Variants in CERS5 observed in about 807,000 individuals in gnomAD.
The protein encoded by CERS5 is LAG1 homolog, ceramide synthase 5.
A neutral mutation model predicts 58.9 loss-of-function variants in CERS5; 37 were observed. The ratio of observed to expected loss-of-function variants is 0.63; its 90% CI spans 0.48 to 0.83. CERS5 has a LOEUF of 0.83. Ranked by LOEUF, CERS5 falls within the 40% of genes least tolerant of loss-of-function variation. CERS5 has a pLI of 0.00. For missense variants in CERS5, 398 were observed against 489.3 expected (o/e 0.81, Z 1.76); for synonymous variants, 147 against 177.8 (o/e 0.83, Z 1.38).
At chr12:50,143,864 C>G in intron 2 of CERS5, 88 bp downstream of exon 2, 2 of 805,096 alleles carry the variant, frequency 2.5e-6, no homozygotes, top group South Asian at 2.8e-5. Flanking sequence ...CCTATCCTTA[C>G]CCTTAGAGGT....
At position 50,143,181 on chromosome 12, in the gene CERS5, C is replaced by T; in HGVS notation, c.327G>A (p.Glu109=). 6.2e-7 allele frequency: 1 copy of T among 1,614,096 alleles called. No individual in the cohort carries two copies. The highest frequency in any genetic ancestry group is 1.1e-5 in the South Asian group (1 of 91,070). Reference sequence around the variant, plus strand: ...TCCAATCCAGCTGCTTTGACAGGCCCTCCAGCCTTTTCTTATCAGGATACT... The same window carrying T: ...TCCAATCCAGCTGCTTTGACAGGCCTTCCAGCCTTTTCTTATCAGGATACT... ...ITKYPDKKRL[E]GLSKQLDWNV... is the part of the protein sequence containing the mutation. Residue 109 remains glutamate (E), a synonymous_variant, in exon 3 of 10, where the codon GAG becomes GAA. Transcript: ENST00000317551.
At chr12:50,164,422 C>G (rs1194892431) in intron 1 of CERS5, among the ~76,000 whole-genome samples, 2 of 152,068 alleles carry the variant, frequency 1.3e-5, no homozygotes, top group Non-Finnish European at 2.9e-5. Context: ...GGCTGAGACC[C>G]TGTCTCAAAA....
At chr12:50,144,554 G>A in intron 1 of CERS5, 1 of 382,478 alleles carries the variant, frequency 2.6e-6, no homozygotes, top group Admixed American at 4.1e-5. Context: ...GGAGGGAAAA[G>A]TAGAACTGAG....
rs1406962723 is a variant in CERS5, at chr12:50,129,611, T to G, written c.*934A>C. On this transcript the variant is annotated 3_prime_UTR_variant, in exon 10 of 10. Coordinates refer to ENST00000317551, the MANE Select transcript of CERS5 (RefSeq NM_147190.5). ...ACCTCTGCCTCCCAGGTTCAAGTGA[T>G]TCTTCTTTTTCTTAAAAAACATAAA... 1 of 151,546 alleles carries G rather than the reference T, an allele frequency of 6.6e-6. No individual in the cohort carries two copies. Among genetic ancestry groups the G allele is most frequent in the Non-Finnish European group, 1.5e-5 (1 of 67,998 alleles). 9.4% of individuals were successfully genotyped at this position (151,546 alleles called of 1,614,324 possible).
intron 1 of CERS5, among the ~76,000 whole-genome samples, chr12:50,148,946 A>ATATGTGTG (rs1420401358): frequency 9.7e-6 from 1 of 103,142 alleles, no homozygotes; most frequent in African/African-American, 4.0e-5. Context: ...ATATATATAT[A>ATATGTGTG]TGTGTGTGTG....
intron 1 of CERS5, among the ~76,000 whole-genome samples, chr12:50,152,051 G>T (rs1008038535): frequency 6.6e-6 from 1 of 151,858 alleles, no homozygotes; most frequent in Non-Finnish European, 1.5e-5. Flanking sequence ...GTTTCCTCAG[G>T]GTTCACTTAG....
At chr12:50,149,531 C>T (rs1937709988) in intron 1 of CERS5, among the ~76,000 whole-genome samples, 1 of 152,088 alleles carries the variant, frequency 6.6e-6, no homozygotes, top group Non-Finnish European at 1.5e-5. Context: ...ATTCATTACA[C>T]CACTGATGAA....
intron 9 of CERS5, chr12:50,133,086 G>C (rs1317645974): frequency 1.6e-6 from 2 of 1,287,720 alleles, no homozygotes; most frequent in Non-Finnish European, 1.0e-6. Context: ...AGAAAAGCAG[G>C]AGAGAACAGA....
At chr12:50,155,452 A>C (rs1938460118) in intron 1 of CERS5, among the ~76,000 whole-genome samples, 1 of 151,788 alleles carries the variant, frequency 6.6e-6, no homozygotes. Flanking sequence ...TAAAAAAAAA[A>C]ATTGCCAGGC....
intron 1 of CERS5, among the ~76,000 whole-genome samples, chr12:50,164,395 C>T (rs1939643277): frequency 6.6e-6 from 1 of 151,970 alleles, no homozygotes; most frequent in Non-Finnish European, 1.5e-5. Flanking sequence ...CGTGCCACTG[C>T]AGTCCAGCCT....
At chr12:50,145,483 TTTC>T (rs1181859382) in intron 1 of CERS5, among the ~76,000 whole-genome samples, 1 of 152,134 alleles carries the variant, frequency 6.6e-6, no homozygotes, top group Non-Finnish European at 1.5e-5. Flanking sequence ...GTTAACCTAT[TTTC>T]TTGAGCTGCA....
chr12:50,142,089 T>A lies in CERS5; in HGVS notation c.456A>T (p.Leu152Phe), dbSNP rs1217015665. 1.9e-6 allele frequency: 3 copies of A among 1,604,880 alleles called. No homozygotes were observed. Among genetic ancestry groups the A allele is most frequent in the Middle Eastern group, 1.6e-4 (1 of 6,064 alleles). The change falls in exon 4 of 10, where the codon TTA becomes TTT. Residue 152 changes from leucine (L) to phenylalanine (F), a missense_variant. Coordinates refer to ENST00000317551, the MANE Select transcript of CERS5 (RefSeq NM_147190.5). ...CESMWRFTFYLCIFCYGIRFL... is the reference protein window; with the variant it reads ...CESMWRFTFYFCIFCYGIRFL... ...ATCTAATTCCATAGCAGAATATACATAAATAAAATGTGAATCTCCACCTGG... is the reference window on the plus strand; with the variant it reads ...ATCTAATTCCATAGCAGAATATACAAAAATAAAATGTGAATCTCCACCTGG...
At chr12:50,150,337 G>A (rs950071318) in intron 1 of CERS5, among the ~76,000 whole-genome samples, 4 of 152,024 alleles carry the variant, frequency 2.6e-5, no homozygotes, top group Non-Finnish European at 2.9e-5. Flanking sequence ...CTCCAGCCTG[G>A]GTGACAGAGT....
At chr12:50,134,071 G>GA (rs57888855) in intron 9 of CERS5, 3,928 of 79,626 alleles carry the variant, frequency 0.049, 185 homozygotes, top group Middle Eastern at 0.071. Flanking sequence ...GATTCCATCT[G>GA]AAAAAAAAAA....
chr12:50,139,041 T>C (rs1951833563), intron 4 of CERS5, among the ~76,000 whole-genome samples: 1 of 152,240 alleles, frequency 6.6e-6, no homozygotes, highest in South Asian at 2.1e-4. Context: ...ATTAAATTGT[T>C]CATAATACTG....
intron 6 of CERS5, 62 bp from the exon 7 acceptor site, chr12:50,136,131 C>A (rs1951685702): frequency 6.4e-6 from 9 of 1,401,008 alleles, no homozygotes; most frequent in Non-Finnish European, 8.5e-6. Flanking sequence ...ACCAGCCAAC[C>A]CAACGTCCTG....
Position 50,130,580 on chromosome 12 carries a change from C to G in CERS5, c.1144G>C (p.Gly382Arg). The change falls in exon 10 of 10, where the codon GGT becomes CGT. Residue 382 changes from glycine to arginine, a missense_variant. Coordinates refer to ENST00000317551, the MANE Select transcript of CERS5 (RefSeq NM_147190.5). The stretch of plus-strand genomic sequence containing the variant: ...GCCCAGTAGCTGCCTCCCATGTGAC[C>G]ATTCACCCGATTGGCACCATTGCTG... Reference protein sequence around the residue: ...SSSNGANRVNGHMGGSYWAEE With the variant: ...SSSNGANRVNRHMGGSYWAEE 6.2e-7 allele frequency: 1 copy of G among 1,612,102 alleles called. No homozygotes were observed. The highest frequency in any genetic ancestry group is 8.5e-7 in the Non-Finnish European group (1 of 1,178,324).
chr12:50,146,186 C>T (rs1048285140), intron 1 of CERS5, among the ~76,000 whole-genome samples: 1 of 152,052 alleles, frequency 6.6e-6, no homozygotes. Context: ...TGTTACATAC[C>T]CATAGAATGG....
intron 9 of CERS5, among the ~76,000 whole-genome samples, chr12:50,132,786 C>G (rs944512594): frequency 6.6e-6 from 1 of 152,108 alleles, no homozygotes; most frequent in Admixed American, 6.5e-5. Context: ...CAATTCTTGC[C>G]TCAGTTTAGG....
Sources: gnomAD v4.1 joint callset for allele counts (sites outside exome capture counted in the v4.1 genomes callset) on GRCh38, gnomAD v4.1.1 for gene constraint, MANE v1.5 for transcripts, NCBI Gene and HGNC (gene_info 2026-07-23, HGNC 2026-07-21) for gene names.